Variants in CRTC1 observed in about 807,000 individuals in gnomAD.
CRTC1 encodes CREB-regulated transcription coactivator 1.
In CRTC1, 18 loss-of-function variants were observed where a neutral mutation model predicts 66.1. The observed-to-expected ratio is 0.27, with a 90% CI of 0.19 to 0.40. The LOEUF (loss-of-function observed/expected upper bound fraction) is 0.40, where lower values mean the gene tolerates loss of function less well. Among genes scored for constraint, CRTC1 ranks in the 10% least tolerant of loss-of-function variants. CRTC1 has a pLI of 1.00. For synonymous variants in CRTC1, 416 were observed against 398.8 expected, an observed-to-expected ratio of 1.04 and a Z score of -0.51; for missense variants, 669 against 887.9, an observed-to-expected ratio of 0.75 and a Z score of 3.13.
At chr19:18,735,040 C>T (rs1397343992) in intron 1 of CRTC1, among the ~76,000 whole-genome samples, 2 of 152,242 alleles carry the variant, frequency 1.3e-5, no homozygotes, top group African/African-American at 4.8e-5. Flanking sequence ...ACAACACGCA[C>T]AGGTGATGGC....
At chr19:18,685,518 G>A (rs1243594863) in intron 1 of CRTC1, among the ~76,000 whole-genome samples, 1 of 152,120 alleles carries the variant, frequency 6.6e-6, no homozygotes. Context: ...TTAGCCGGAC[G>A]TGGTGGTAGC....
intron 5 of CRTC1, 131 bp downstream of exon 5, chr19:18,750,006 C>T (rs989288593): frequency 2.5e-5 from 18 of 729,216 alleles, no homozygotes; most frequent in South Asian, 1.3e-4. Context: ...GCTGAGGGAT[C>T]GGGGGAGGGG....
intron 6 of CRTC1, among the ~76,000 whole-genome samples, chr19:18,754,468 A>G (rs763571951): frequency 3.3e-5 from 5 of 152,112 alleles, no homozygotes; most frequent in South Asian, 2.1e-4. Flanking sequence ...AGCTATGACT[A>G]TACCATTGCA....
rs979741044 is a variant in CRTC1, at chr19:18,760,715, C to T, written c.886+487C>T. Among the ~76,000 whole-genome samples the T allele has an allele frequency of 2.0e-5, 3 of 152,058 alleles. No homozygotes were observed. Among genetic ancestry groups the T allele is most frequent in the Non-Finnish European group, 4.4e-5 (3 of 67,984 alleles). On this transcript the variant is annotated intron_variant, in intron 8 of 13. Transcript: ENST00000321949. This position sits in a 1 kb window ranked among gnomAD's most constrained non-coding sequence, Gnocchi z 6.2. ...TCCTCAGCCACATCCACAGGGACGTCGCACAGGCCCCTCGCCCGTCCCAAT... is the reference window on the plus strand; with the variant it reads ...TCCTCAGCCACATCCACAGGGACGTTGCACAGGCCCCTCGCCCGTCCCAAT...
chr19:18,782,156 T>G lies in CRTC1; in HGVS notation c.*4774T>G. ...GGCTGGCTCTCCCCCAACCCTAGCATGTATACTCTGCCACGGACGTCCCGT... is the reference window on the plus strand; with the variant it reads ...GGCTGGCTCTCCCCCAACCCTAGCAGGTATACTCTGCCACGGACGTCCCGT... On this transcript the variant is annotated 3_prime_UTR_variant, in exon 14 of 14. Coordinates refer to ENST00000321949, the MANE Select transcript of CRTC1 (RefSeq NM_015321.3). 1 of 227,308 alleles carries G rather than the reference T, an allele frequency of 4.4e-6. No homozygotes were observed. Among genetic ancestry groups the G allele is most frequent in the Non-Finnish European group, 8.7e-6 (1 of 114,384 alleles). The allele number at this position is 227,308 out of a possible 1,614,324, so 14.1% of individuals were successfully genotyped here. A position where few individuals can be genotyped will look rare whatever the true frequency, so the allele number is the denominator to read the frequency against.
At chr19:18,752,494 T>C (rs541149204) in intron 5 of CRTC1, among the ~76,000 whole-genome samples, 44 of 152,106 alleles carry the variant, frequency 2.9e-4, no homozygotes, top group Non-Finnish European at 5.1e-4. Context: ...AACTTTCTTA[T>C]TTTTTGTAGA....
Position 18,768,498 on chromosome 19 carries a change from A to G in CRTC1, c.1025A>G (p.Asp342Gly). The change falls in exon 10 of 14, where the codon GAC becomes GGC. Residue 342 changes from aspartate (D) to glycine (G), a missense_variant. Coordinates refer to ENST00000321949, the MANE Select transcript of CRTC1 (RefSeq NM_015321.3). The surrounding 1 kb of genome is among the most constrained non-coding windows in gnomAD (Gnocchi z 5.6). Reference protein sequence around the residue: ...LSPITQAVAMDALSLEQQLPY... With the variant: ...LSPITQAVAMGALSLEQQLPY... Reference sequence around the variant, plus strand: ...CCTCTCCTGCAGGCTGTAGCCATGGACGCCCTGTCTCTGGAGCAGCAGCTG... The same window carrying G: ...CCTCTCCTGCAGGCTGTAGCCATGGGCGCCCTGTCTCTGGAGCAGCAGCTG... 1 of 1,609,530 alleles carries G rather than the reference A, an allele frequency of 6.2e-7. No individual in the cohort carries two copies. The highest frequency in any genetic ancestry group is 8.5e-7 in the Non-Finnish European group (1 of 1,179,254).
At chr19:18,751,367 C>A (rs953326515) in intron 5 of CRTC1, among the ~76,000 whole-genome samples, 24 of 151,824 alleles carry the variant, frequency 1.6e-4, no homozygotes, top group Non-Finnish European at 2.4e-4. Flanking sequence ...ACCAAAAATA[C>A]AAAAAAATTA....
intron 2 of CRTC1, chr19:18,743,971 G>A (rs1052898742): frequency 8.8e-6 from 7 of 791,216 alleles, no homozygotes; most frequent in African/African-American, 6.9e-5. Flanking sequence ...CTCAGCCTGA[G>A]TGGGGCTGAG....
At chr19:18,733,804 G>T (rs1269694057) in intron 1 of CRTC1, among the ~76,000 whole-genome samples, 1 of 152,208 alleles carries the variant, frequency 6.6e-6, no homozygotes, top group East Asian at 1.9e-4. Flanking sequence ...AGCTAGAAGT[G>T]TAAAACTCCT....
intron 1 of CRTC1, among the ~76,000 whole-genome samples, chr19:18,709,380 G>A (rs1600805126): frequency 1.3e-5 from 2 of 152,296 alleles, no homozygotes; most frequent in East Asian, 3.9e-4. Context: ...TGGGAGAAGG[G>A]CTGCAGCAGG....
At chr19:18,693,077 A>AT (rs1393800088) in intron 1 of CRTC1, among the ~76,000 whole-genome samples, 1 of 149,500 alleles carries the variant, frequency 6.7e-6, no homozygotes, top group African/African-American at 2.5e-5. Flanking sequence ...TCCGTCTCAA[A>AT]AAAAAAAAAA....
chr19:18,735,822 C>T (rs1272454477), intron 1 of CRTC1, among the ~76,000 whole-genome samples: 1 of 152,222 alleles, frequency 6.6e-6, no homozygotes, highest in Non-Finnish European at 1.5e-5. Context: ...CAGGCTGAAG[C>T]TCCCACAGTC....
intron 4 of CRTC1, 30 bp from the exon 5 acceptor site, chr19:18,749,751 G>T (rs1291052997): frequency 1.3e-6 from 2 of 1,579,462 alleles, no homozygotes; most frequent in Non-Finnish European, 1.7e-6. Flanking sequence ...TTGGGCTGAG[G>T]CTCATTGTCT....
Position 18,768,803 on chromosome 19 carries a change from G to T in CRTC1, c.1320+10G>T. The T allele has an allele frequency of 6.3e-7, 1 of 1,591,418 alleles. No individual in the cohort carries two copies. Among genetic ancestry groups the T allele is most frequent in the East Asian group, 2.3e-5 (1 of 43,912 alleles). On this transcript the variant is annotated intron_variant, in intron 10 of 13. Transcript: ENST00000321949. The surrounding 1 kb of genome is among the most constrained non-coding windows in gnomAD (Gnocchi z 5.6). ...GATCGACATCGCCTCGGTAAGCCCAGGGTGGGGTCCCTCGGGGCCTGACTG... is the reference window on the plus strand; with the variant it reads ...GATCGACATCGCCTCGGTAAGCCCATGGTGGGGTCCCTCGGGGCCTGACTG...
intron 9 of CRTC1, among the ~76,000 whole-genome samples, chr19:18,765,790 G>A (rs1458185895): frequency 1.3e-5 from 2 of 151,988 alleles, no homozygotes; most frequent in South Asian, 2.1e-4. Flanking sequence ...GTGAAACCTC[G>A]TCTCTACAAA....
chr19:18,724,266 G>A (rs890676057), intron 1 of CRTC1, among the ~76,000 whole-genome samples: 1 of 152,086 alleles, frequency 6.6e-6, no homozygotes, highest in Non-Finnish European at 1.5e-5. Flanking sequence ...GTTGTTCTCT[G>A]CACTCGCTAG....
chr19:18,690,898 C>T (rs548553534), intron 1 of CRTC1, among the ~76,000 whole-genome samples: 226 of 151,978 alleles, frequency 1.5e-3, no homozygotes, highest in Admixed American at 4.5e-3. Flanking sequence ...TGGTGGTGAG[C>T]GCCTGTAGTC....
At chr19:18,684,890 C>T (rs2145438356) in intron 1 of CRTC1, among the ~76,000 whole-genome samples, 1 of 152,286 alleles carries the variant, frequency 6.6e-6, no homozygotes, top group Admixed American at 6.5e-5. Context: ...AGTTTCTTGT[C>T]AGGCATTCTA....
Sources: gnomAD v4.1 joint callset for allele counts (sites outside exome capture counted in the v4.1 genomes callset) on GRCh38, gnomAD v4.1.1 for gene constraint, Gnocchi (gnomAD v3.1) non-coding constraint, MANE v1.5 for transcripts, NCBI Gene and HGNC (gene_info 2026-07-23, HGNC 2026-07-21) for gene names.